The following SCOC variants were observed in gnomAD, a reference collection of about 807,000 sequenced individuals.
SCOC encodes short coiled coil protein.
A neutral mutation model predicts 9.9 loss-of-function variants in SCOC; 7 were observed. The ratio of observed to expected loss-of-function variants is 0.71; its 90% confidence interval spans 0.40 to 1.33. The LOEUF (loss-of-function observed/expected upper bound fraction) is 1.33. Among genes scored for constraint, SCOC ranks in the 40% most tolerant of loss-of-function variants. The pLI, the probability that SCOC is intolerant of heterozygous loss-of-function variation, is 0.01. For missense variants in SCOC, 66 were observed against 89.7 expected, an observed-to-expected ratio of 0.74 and a Z score of 1.07; for synonymous variants, 19 against 28.2, an observed-to-expected ratio of 0.67 and a Z score of 1.03.
In SCOC at chr4:140,361,148, T is replaced by C. The variant is rs561881577; in HGVS notation, c.70+17440T>C. ...AGGCAACTTCTCTCAGATTTTCTTATTTTATCTTGCTGACAGACCTGTAGG... is the reference window on the plus strand; with the variant it reads ...AGGCAACTTCTCTCAGATTTTCTTACTTTATCTTGCTGACAGACCTGTAGG... On this transcript the variant is annotated intron_variant, in intron 2 of 4. Transcript: ENST00000338517. Among the ~76,000 whole-genome samples, 160 of 152,212 alleles carry C rather than the reference T, an allele frequency of 1.1e-3. 1 individual carries two copies. Among genetic ancestry groups the C allele is most frequent in the South Asian group, 9.1e-3 (44 of 4,828 alleles).
intron 1 of SCOC, among the ~76,000 whole-genome samples, chr4:140,305,877 G>A (rs1180376083): frequency 1.3e-5 from 2 of 152,174 alleles, no homozygotes; most frequent in Non-Finnish European, 2.9e-5. Context: ...CTAGAGTCAG[G>A]GGGACCTTTC....
intron 1 of SCOC, chr4:140,293,393 A>G: frequency 2.2e-6 from 1 of 456,904 alleles, no homozygotes. Flanking sequence ...CCAAGACAGG[A>G]TTGGAGGTGT....
chr4:140,292,509 T>C (rs1327479898), intron 1 of SCOC, among the ~76,000 whole-genome samples: 6 of 152,148 alleles, frequency 3.9e-5, no homozygotes, highest in African/African-American at 1.4e-4. Context: ...TGGTTCTTGA[T>C]GGCTTATGCT....
intron 3 of SCOC, 86 bp from the exon 4 acceptor site, chr4:140,380,872 ATTTC>A: frequency 1.9e-6 from 2 of 1,032,954 alleles, no homozygotes; most frequent in Non-Finnish European, 2.7e-6. Flanking sequence ...GGATTGTATT[ATTTC>A]TTTTAAGAAT....
At chr4:140,278,720 C>T (rs1217432484) in intron 1 of SCOC, among the ~76,000 whole-genome samples, 1 of 152,168 alleles carries the variant, frequency 6.6e-6, no homozygotes, top group Non-Finnish European at 1.5e-5. Context: ...CACATATATT[C>T]AAATCATAGC....
At position 140,320,809 on chromosome 4, in the gene SCOC, T is replaced by C. The variant is rs139840249; in HGVS notation, c.-18-22812T>C. The stretch of plus-strand genomic sequence containing the variant: ...ACTGACTGCAGCTAGGAGAGGAGAA[T>C]ACGAGGGAAAAGAAGCTTCACTTTG... On this transcript the variant is annotated intron_variant, in intron 1 of 4. Coordinates refer to the SCOC transcript ENST00000394205. Among the ~76,000 whole-genome samples the C allele has an allele frequency of 1.7e-4, 26 of 152,226 alleles. No individual in the cohort carries two copies. The East Asian group carries it at 5.0e-3, about 29-fold the overall frequency.
At chr4:140,315,188 A>G (rs1732277588) in intron 1 of SCOC, among the ~76,000 whole-genome samples, 1 of 152,232 alleles carries the variant, frequency 6.6e-6, no homozygotes, top group Admixed American at 6.5e-5. Context: ...CCTGTGTGTC[A>G]AAGACATTCC....
chr4:140,293,288 G>A lies in SCOC; in HGVS notation c.-19+35878G>A, dbSNP rs182309255. On this transcript the variant is annotated intron_variant, in intron 1 of 4. Coordinates refer to the SCOC transcript ENST00000394205. Reference sequence around the variant, plus strand: ...CTCAAGATGGGCTCCTCCTTGTCAGGGAGGGTCTGAGTAACCCAGTCGCAA... The same window carrying A: ...CTCAAGATGGGCTCCTCCTTGTCAGAGAGGGTCTGAGTAACCCAGTCGCAA... 1,548 of 456,554 alleles carry A rather than the reference G, an allele frequency of 3.4e-3. 5 individuals carry two copies. The highest frequency in any genetic ancestry group is 5.1e-3 in the Admixed American group (217 of 42,584). The allele number at this position is 456,554 out of a possible 1,614,324, so 28.3% of individuals were successfully genotyped here.
At chr4:140,271,260 T>A (rs1730839534) in intron 1 of SCOC, among the ~76,000 whole-genome samples, 1 of 152,148 alleles carries the variant, frequency 6.6e-6, no homozygotes, top group African/African-American at 2.4e-5. Flanking sequence ...AGAATGGGTC[T>A]GGGCAAAACT....
chr4:140,383,797 G>C lies in SCOC; in HGVS notation c.*2693G>C, dbSNP rs187400978. ...AAAACTCAAGCCTTTTTATCAGTGT[G>C]CTTCTGATTGCATATGCCGAGGAAC... On this transcript the variant is annotated 3_prime_UTR_variant, in exon 4 of 4. Transcript: ENST00000608372. The C allele has an allele frequency of 3.9e-5, 6 of 152,310 alleles. No individual in the cohort carries two copies. Among genetic ancestry groups the C allele is most frequent in the Admixed American group, 2.6e-4 (4 of 15,290 alleles). 9.4% of individuals were successfully genotyped at this position (152,310 alleles called of 1,614,324 possible).
intron 2 of SCOC, among the ~76,000 whole-genome samples, chr4:140,353,247 G>A (rs999389682): frequency 2.0e-5 from 3 of 152,108 alleles, no homozygotes; most frequent in Non-Finnish European, 4.4e-5. Context: ...TGGGCTCCAC[G>A]AGCCTAGAAA....
At chr4:140,322,244 T>C (rs1261910842) in intron 1 of SCOC, among the ~76,000 whole-genome samples, 1 of 152,180 alleles carries the variant, frequency 6.6e-6, no homozygotes, top group Non-Finnish European at 1.5e-5. Context: ...AACTGGGTGA[T>C]GGGTAGAGGC....
chr4:140,286,249 T>C (rs1731264065), intron 1 of SCOC, among the ~76,000 whole-genome samples: 1 of 152,046 alleles, frequency 6.6e-6, no homozygotes, highest in South Asian at 2.1e-4. Context: ...TCACATACAA[T>C]TGTGGCTGGC....
At chr4:140,285,128 C>T (rs568530700) in intron 1 of SCOC, 18 of 454,422 alleles carry the variant, frequency 4.0e-5, no homozygotes, top group South Asian at 1.7e-4. Context: ...AAACTCATCA[C>T]GTCTCAAAGC....
chr4:140,356,144 C>T (rs905240340), intron 2 of SCOC, among the ~76,000 whole-genome samples: 4 of 152,154 alleles, frequency 2.6e-5, no homozygotes, highest in Non-Finnish European at 1.5e-5. Flanking sequence ...AGACACGGCA[C>T]AAATTGTAAA....
intron 1 of SCOC, among the ~76,000 whole-genome samples, chr4:140,287,110 T>C (rs1731297127): frequency 6.6e-6 from 1 of 151,808 alleles, no homozygotes; most frequent in Non-Finnish European, 1.5e-5. Context: ...ATCACACATA[T>C]GTACACACAT....
chr4:140,306,340 A>T (rs1022129868), intron 1 of SCOC, among the ~76,000 whole-genome samples: 11 of 152,324 alleles, frequency 7.2e-5, no homozygotes, highest in African/African-American at 2.4e-4. Flanking sequence ...ACAAGTGGGA[A>T]TTAGGGGAGC....
intron 1 of SCOC, chr4:140,373,921 C>T (rs1176752559): frequency 2.8e-6 from 2 of 708,678 alleles, no homozygotes; most frequent in Non-Finnish European, 5.1e-6. Flanking sequence ...TCTTTTTCTC[C>T]TGTTTTCGTT....
chr4:140,297,151 T>C (rs1301052516), intron 1 of SCOC, among the ~76,000 whole-genome samples: 4 of 152,170 alleles, frequency 2.6e-5, no homozygotes, highest in Admixed American at 2.0e-4. Context: ...GCTTAATTGA[T>C]TGAATTGGCA....
Sources: allele counts gnomAD v4.1 joint callset (sites outside exome capture counted in the v4.1 genomes callset), GRCh38; gene constraint gnomAD v4.1.1; transcripts MANE v1.5; gene names NCBI Gene and HGNC (gene_info 2026-07-23, HGNC 2026-07-21).